SH3PXD2B: variants seen among roughly 807,000 people sequenced by gnomAD.
SH3PXD2B encodes SH3 and PX domain-containing protein 2B.
SH3PXD2B carries 37 observed loss-of-function variants against 73.1 expected under a neutral mutation model. The observed-to-expected ratio is 0.51, with a 90% CI of 0.39 to 0.67. The LOEUF is 0.67. Ranked by LOEUF, SH3PXD2B falls within the 30% of genes least tolerant of loss-of-function variation. The probability of loss-of-function intolerance (pLI) is 0.00; values close to 1 mark genes in which losing one functional copy is unlikely to be tolerated. For missense variants in SH3PXD2B, 1,053 were observed against 1,197.8 expected (o/e 0.88, Z 1.78); for synonymous variants, 457 against 480.5 (o/e 0.95, Z 0.64).
intron 2 of SH3PXD2B, among the ~76,000 whole-genome samples, chr5:172,414,611 G>A (rs1057074676): frequency 1.2e-4 from 18 of 152,116 alleles, no homozygotes; most frequent in Admixed American, 3.9e-4. Flanking sequence ...GATTTGAGGC[G>A]TCCAAGAACT....
intron 6 of SH3PXD2B, among the ~76,000 whole-genome samples, chr5:172,368,468 T>TAAAATATATATATTA (rs1327821682): frequency 7.7e-5 from 1 of 12,994 alleles, no homozygotes; most frequent in Non-Finnish European, 1.2e-4. Context: ...TATATATATA[T>TAAAATATATATATTA]TATATATATA....
intron 1 of SH3PXD2B, among the ~76,000 whole-genome samples, chr5:172,422,708 T>C (rs996570661): frequency 6.6e-6 from 1 of 152,218 alleles, no homozygotes; most frequent in Non-Finnish European, 1.5e-5. Context: ...GTGCAAAGGA[T>C]GAATGACATC....
In SH3PXD2B at chr5:172,454,482, G is replaced by C. The variant is rs1362824889; in HGVS notation, c.-130C>G. On this transcript the variant is annotated 5_prime_UTR_variant, in exon 1 of 13. Transcript: ENST00000311601. ...CAATCGCAGCCGGGGCCGAGCACGAGCCGCCGCCGCCACCGCCGCCGCCCT... is the reference window on the plus strand; with the variant it reads ...CAATCGCAGCCGGGGCCGAGCACGACCCGCCGCCGCCACCGCCGCCGCCCT... 6 of 294,974 alleles carry C rather than the reference G, an allele frequency of 2.0e-5. No homozygotes were observed. The highest frequency in any genetic ancestry group is 2.4e-4 in the South Asian group (2 of 8,262). 18.3% of individuals were successfully genotyped at this position (294,974 alleles called of 1,614,324 possible).
intron 4 of SH3PXD2B, among the ~76,000 whole-genome samples, chr5:172,391,545 C>T (rs1357396576): frequency 6.6e-6 from 1 of 152,214 alleles, no homozygotes; most frequent in African/African-American, 2.4e-5. Context: ...TCACTGCAAC[C>T]TCCACCTCCT....
chr5:172,339,727 C>T lies in SH3PXD2B; in HGVS notation c.1378G>A (p.Gly460Ser), dbSNP rs1272297626. 2 of 1,614,112 alleles carry T rather than the reference C, an allele frequency of 1.2e-6. No individual in the cohort carries two copies. The highest frequency in any genetic ancestry group is 2.7e-5 in the African/African-American group (2 of 75,062). Residue 460 changes from glycine (G) to serine (S), a missense_variant, in exon 13 of 13, where the codon GGC (glycine) becomes AGC (serine). Around this residue, in one of 2 missense-constraint regions of SH3PXD2B, gnomAD observed 587 missense variants for 590.7 expected, o/e 0.99. Transcript: ENST00000311601. This position sits in a 1 kb window ranked among gnomAD's most constrained non-coding sequence, Gnocchi z 6.1. Reference protein sequence around the residue: ...GEAAALENNTGSEATGPSRPL... With the variant: ...GEAAALENNTSSEATGPSRPL... Reference sequence around the variant, plus strand: ...CGGGAGGGGCCCGTGGCTTCGCTGCCCGTGTTGTTCTCCAGCGCTGCTGCT... The same window carrying T: ...CGGGAGGGGCCCGTGGCTTCGCTGCTCGTGTTGTTCTCCAGCGCTGCTGCT...
At chr5:172,350,734 G>A in intron 9 of SH3PXD2B, 145 bp from the exon 10 acceptor site, 2 of 763,438 alleles carry the variant, frequency 2.6e-6, no homozygotes, top group South Asian at 3.5e-5. Flanking sequence ...GGCACACACT[G>A]TGCATTTCCT....
At chr5:172,328,406 C>G (rs537161295) in intron 12 of SH3PXD2B, among the ~76,000 whole-genome samples, 1 of 152,210 alleles carries the variant, frequency 6.6e-6, no homozygotes, top group Non-Finnish European at 1.5e-5. Flanking sequence ...ACCCAGCCGC[C>G]TAGGCTGATT....
chr5:172,420,754 C>T (rs1758946092), intron 2 of SH3PXD2B, among the ~76,000 whole-genome samples: 2 of 152,318 alleles, frequency 1.3e-5, no homozygotes, highest in Middle Eastern at 3.4e-3. Flanking sequence ...GCCTATGACA[C>T]ACAATAATGT....
downstream of SH3PXD2B, among the ~76,000 whole-genome samples, chr5:172,330,758 T>C (rs924159876): frequency 3.4e-4 from 52 of 152,248 alleles, no homozygotes; most frequent in Admixed American, 3.4e-3. Flanking sequence ...TTACTAGCTG[T>C]GGCCATGGGT....
intron 1 of SH3PXD2B, among the ~76,000 whole-genome samples, chr5:172,434,060 G>A (rs915420547): frequency 1.3e-5 from 2 of 151,466 alleles, no homozygotes; most frequent in Admixed American, 1.3e-4. Flanking sequence ...CAATAGCAGA[G>A]TAGACTAACT....
In SH3PXD2B at chr5:172,336,150, C is replaced by T. The variant is rs888786222; in HGVS notation, c.*2219G>A. On this transcript the variant is annotated 3_prime_UTR_variant, in exon 13 of 13. Coordinates refer to ENST00000311601, the MANE Select transcript of SH3PXD2B (RefSeq NM_001017995.3). Reference sequence around the variant, plus strand: ...CTCAGCACCTAGCACAGAGTAGACACTCACAAAGTATCTGAAAGCGTCGCT... The same window carrying T: ...CTCAGCACCTAGCACAGAGTAGACATTCACAAAGTATCTGAAAGCGTCGCT... The T allele has an allele frequency of 4.1e-6, 4 of 986,634 alleles. No homozygotes were observed. Among genetic ancestry groups the T allele is most frequent in the Non-Finnish European group, 4.8e-6 (4 of 830,820 alleles). The allele number at this position is 986,634 out of a possible 1,614,324, so 61.1% of individuals were successfully genotyped here.
rs1344439478 is a variant in SH3PXD2B, at chr5:172,339,585, C to T, written c.1520G>A (p.Gly507Asp). 4.3e-6 allele frequency: 7 copies of T among 1,614,228 alleles called. No homozygotes were observed. Among genetic ancestry groups the T allele is most frequent in the Non-Finnish European group, 5.9e-6 (7 of 1,180,046 alleles). ...KASSDMSASA[G>D]YEEISDPDME... is the part of the protein sequence containing the mutation. ...GTCGGGGTCTGAGATCTCCTCGTAG[C>T]CTGCTGACGCAGACATGTCTGAAGA... is the stretch of plus-strand genomic sequence containing the variant. The change falls in exon 13 of 13, where the codon GGC becomes GAC. Residue 507 changes from glycine to aspartate, a missense_variant. By Grantham distance (94) the Gly-to-Asp change is moderately conservative. This residue lies in a region of SH3PXD2B where 587 missense variants were observed against 590.7 expected (regional missense o/e 0.99). Coordinates refer to ENST00000311601, the MANE Select transcript of SH3PXD2B (RefSeq NM_001017995.3). The surrounding 1 kb of genome is among the most constrained non-coding windows in gnomAD (Gnocchi z 6.1).
intron 8 of SH3PXD2B, 104 bp from the exon 9 acceptor site, chr5:172,354,109 G>C (rs1757220336): frequency 1.8e-6 from 2 of 1,140,814 alleles, no homozygotes; most frequent in South Asian, 2.5e-5. Context: ...ATTTCCTTCA[G>C]AGATTTCTGG....
chr5:172,439,763 T>C (rs7734827), intron 1 of SH3PXD2B, among the ~76,000 whole-genome samples: 4,825 of 149,278 alleles, frequency 0.032, 257 homozygotes, highest in African/African-American at 0.11. Context: ...CCCTAACTCA[T>C]GGAATCTTAT....
intron 2 of SH3PXD2B, among the ~76,000 whole-genome samples, chr5:172,420,384 G>T (rs946963326): frequency 1.3e-5 from 2 of 152,168 alleles, no homozygotes; most frequent in Non-Finnish European, 2.9e-5. Flanking sequence ...AGTTTGTTAT[G>T]TAGGCGTTTC....
At chr5:172,432,967 T>A (rs1237607080) in intron 1 of SH3PXD2B, among the ~76,000 whole-genome samples, 2 of 150,904 alleles carry the variant, frequency 1.3e-5, no homozygotes, top group African/African-American at 4.9e-5. Context: ...TATCTAAATG[T>A]ATGTGCGTTT....
chr5:172,334,242 A>G lies in SH3PXD2B; in HGVS notation c.*4127T>C, dbSNP rs923170627. ...GAGCTGGGCAGTCCAGTCTGTAGAA[A>G]GGTGCTCTGAAGGAGGTCCATGAGC... On this transcript the variant is annotated 3_prime_UTR_variant, in exon 13 of 13. Coordinates refer to ENST00000311601, the MANE Select transcript of SH3PXD2B (RefSeq NM_001017995.3). 11 of 1,043,332 alleles carry G rather than the reference A, an allele frequency of 1.1e-5. No individual in the cohort carries two copies. In the Admixed American group the frequency reaches 4.4e-4, roughly 41 times the overall value. The allele number at this position is 1,043,332 out of a possible 1,614,324, so 64.6% of individuals were successfully genotyped here. A position where few individuals can be genotyped will look rare whatever the true frequency, so the allele number is the denominator to read the frequency against.
chr5:172,362,429 A>G (rs1757422119), intron 7 of SH3PXD2B, among the ~76,000 whole-genome samples: 2 of 152,194 alleles, frequency 1.3e-5, no homozygotes, highest in Non-Finnish European at 2.9e-5. Context: ...AAATCAACAG[A>G]GCACATTTCC....
In SH3PXD2B at chr5:172,339,866, CT is replaced by C; in HGVS notation, c.1238del (p.Lys413ArgfsTer32). The C allele has an allele frequency of 6.2e-7, 1 of 1,614,254 alleles. No individual in the cohort carries two copies. The highest frequency in any genetic ancestry group is 8.5e-7 in the Non-Finnish European group (1 of 1,180,048). On this transcript the variant is annotated frameshift_variant, in exon 13 of 13. Coordinates refer to ENST00000311601, the MANE Select transcript of SH3PXD2B (RefSeq NM_001017995.3). LOFTEE classifies it low-confidence loss of function (END_TRUNC). This position sits in a 1 kb window ranked among gnomAD's most constrained non-coding sequence, Gnocchi z 6.1. Reference protein sequence around the residue: ...SGWWYIQIEDKEGWAPATFID... With the variant: ...SGWWYIQIEDXEGWAPATFID... ...TGAAGGTGGCCGGGGCCCACCCTTC[CT>C]TATCTTCAATCTGAATGTACCACCA...
Sources: allele counts gnomAD v4.1 joint callset (sites outside exome capture counted in the v4.1 genomes callset), GRCh38; gene constraint gnomAD v4.1.1; regional missense constraint gnomAD v4.1.1; non-coding constraint Gnocchi (gnomAD v3.1); transcripts MANE v1.5; gene names NCBI Gene and HGNC (gene_info 2026-07-23, HGNC 2026-07-21).